The following PDE3B variants were observed in gnomAD, a reference collection of about 807,000 sequenced individuals.
The protein encoded by PDE3B is cGMP-inhibited 3',5'-cyclic phosphodiesterase 3B.
A neutral mutation model predicts 116.8 loss-of-function variants in PDE3B; 66 were observed. The ratio of observed to expected loss-of-function variants is 0.56; its 90% CI spans 0.46 to 0.69. The LOEUF is 0.69. PDE3B is among the 30% of genes least tolerant of loss of function. The probability of loss-of-function intolerance (pLI) is 0.00; values close to 1 mark genes in which losing one functional copy is unlikely to be tolerated. For synonymous variants in PDE3B, 595 were observed against 533.6 expected (o/e 1.12, Z -1.59); for missense variants, 1,384 against 1,368.1 (o/e 1.01, Z -0.18).
intron 1 of PDE3B, among the ~76,000 whole-genome samples, chr11:14,663,021 T>C (rs1400514044): frequency 4.0e-5 from 6 of 151,552 alleles, no homozygotes; most frequent in East Asian, 3.9e-4. Flanking sequence ...TTCACCAAAG[T>C]TGAAATGAAG....
At chr11:14,817,402 T>G (rs188382511) in intron 5 of PDE3B, among the ~76,000 whole-genome samples, 1 of 152,162 alleles carries the variant, frequency 6.6e-6, no homozygotes, top group Non-Finnish European at 1.5e-5. Context: ...AACCTGCACA[T>G]TGTGCACATG....
At chr11:14,742,258 C>T (rs947164107) in intron 1 of PDE3B, among the ~76,000 whole-genome samples, 120 of 152,308 alleles carry the variant, frequency 7.9e-4, no homozygotes, top group African/African-American at 2.6e-3. Context: ...TTCACATAGT[C>T]CCATATTTCT....
chr11:14,660,772 C>A (rs1325222709), intron 1 of PDE3B, among the ~76,000 whole-genome samples: 1 of 152,014 alleles, frequency 6.6e-6, no homozygotes, highest in Non-Finnish European at 1.5e-5. Flanking sequence ...TAGCTGATCA[C>A]CCTTAGAATA....
At chr11:14,729,394 A>G (rs1454266430) in intron 1 of PDE3B, among the ~76,000 whole-genome samples, 4 of 152,252 alleles carry the variant, frequency 2.6e-5, no homozygotes, top group African/African-American at 4.8e-5. Flanking sequence ...TGAAAGCAAT[A>G]AAGTTCTGTC....
At chr11:14,739,469 C>G (rs1403173439) in intron 1 of PDE3B, among the ~76,000 whole-genome samples, 13 of 152,162 alleles carry the variant, frequency 8.5e-5, no homozygotes, top group Admixed American at 8.5e-4. Flanking sequence ...CTGAGACTTG[C>G]AGAAGTTGCT....
intron 1 of PDE3B, among the ~76,000 whole-genome samples, chr11:14,728,475 A>C (rs1342461808): frequency 6.6e-6 from 1 of 152,142 alleles, no homozygotes; most frequent in Non-Finnish European, 1.5e-5. Flanking sequence ...TTTTTAGAGT[A>C]CATTTTATGT....
intron 1 of PDE3B, among the ~76,000 whole-genome samples, chr11:14,696,579 T>C (rs1482868146): frequency 6.6e-6 from 1 of 152,184 alleles, no homozygotes; most frequent in Non-Finnish European, 1.5e-5. Context: ...ACTGGCCATT[T>C]GGATATTGAT....
At chr11:14,653,345 A>G (rs910645623) in intron 1 of PDE3B, among the ~76,000 whole-genome samples, 15 of 152,202 alleles carry the variant, frequency 9.9e-5, no homozygotes, top group Non-Finnish European at 4.4e-5. Flanking sequence ...TACAGATAAA[A>G]TCCCAAGGAA....
chr11:14,832,439 T>C (rs1859914039), intron 9 of PDE3B, among the ~76,000 whole-genome samples: 1 of 152,188 alleles, frequency 6.6e-6, no homozygotes, highest in Non-Finnish European at 1.5e-5. Context: ...TCACATGACC[T>C]TCAGTAAATT....
intron 1 of PDE3B, among the ~76,000 whole-genome samples, chr11:14,746,072 T>G (rs1300393522): frequency 1.3e-5 from 2 of 152,212 alleles, no homozygotes; most frequent in African/African-American, 2.4e-5. Flanking sequence ...GGAAGCCCTC[T>G]CATAAAATTG....
At chr11:14,689,949 A>G (rs1307771931) in intron 1 of PDE3B, among the ~76,000 whole-genome samples, 1 of 152,184 alleles carries the variant, frequency 6.6e-6, no homozygotes, top group African/African-American at 2.4e-5. Context: ...GGATCCAGCT[A>G]AGGGGAAGTT....
At chr11:14,754,483 C>T (rs947731353) in intron 1 of PDE3B, among the ~76,000 whole-genome samples, 21 of 152,112 alleles carry the variant, frequency 1.4e-4, no homozygotes, top group Admixed American at 2.0e-4. Flanking sequence ...TTATAAACGA[C>T]ATTACTTAAA....
At chr11:14,844,901 G>A (rs968578516) in intron 12 of PDE3B, among the ~76,000 whole-genome samples, 6 of 152,234 alleles carry the variant, frequency 3.9e-5, no homozygotes, top group Admixed American at 1.3e-4. Flanking sequence ...CTCCACCTCT[G>A]GGGGCAGGGC....
At chr11:14,858,271 G>GTT (rs11454337) in intron 12 of PDE3B, among the ~76,000 whole-genome samples, 12 of 152,158 alleles carry the variant, frequency 7.9e-5, no homozygotes, top group South Asian at 2.1e-4. Context: ...GGCTGTAGAA[G>GTT]TTTTTTTAAT....
intron 1 of PDE3B, among the ~76,000 whole-genome samples, chr11:14,688,400 A>G (rs1854950337): frequency 6.6e-6 from 1 of 152,170 alleles, no homozygotes; most frequent in Non-Finnish European, 1.5e-5. Context: ...GTATCTGTGT[A>G]TAGTGCTGAC....
chr11:14,695,429 T>C (rs538853743), intron 1 of PDE3B, among the ~76,000 whole-genome samples: 1 of 152,276 alleles, frequency 6.6e-6, no homozygotes, highest in Non-Finnish European at 1.5e-5. Context: ...ATACATCATT[T>C]TGGTAGACAT....
intron 1 of PDE3B, among the ~76,000 whole-genome samples, chr11:14,716,440 C>T (rs1855897258): frequency 6.6e-6 from 1 of 151,466 alleles, no homozygotes; most frequent in Admixed American, 6.6e-5. Context: ...GGCCTGCCTG[C>T]CTCTGTAGGC....
At chr11:14,756,237 ATATAT>A (rs1289950878) in intron 1 of PDE3B, among the ~76,000 whole-genome samples, 1 of 152,180 alleles carries the variant, frequency 6.6e-6, no homozygotes, top group East Asian at 1.9e-4. Flanking sequence ...CTATATCAAG[ATATAT>A]TATAATCTAG....
intron 3 of PDE3B, among the ~76,000 whole-genome samples, chr11:14,787,323 A>G (rs1256136491): frequency 6.6e-6 from 1 of 151,916 alleles, no homozygotes; most frequent in Non-Finnish European, 1.5e-5. Context: ...TTTGACTATT[A>G]TCAGTATCTT....
Sources: gnomAD v4.1 joint callset for allele counts (sites outside exome capture counted in the v4.1 genomes callset) on GRCh38, gnomAD v4.1.1 for gene constraint, MANE v1.5 for transcripts, NCBI Gene and HGNC (gene_info 2026-07-23, HGNC 2026-07-21) for gene names.